The following PLCE1 variants were observed in gnomAD, a reference collection of about 807,000 sequenced individuals.
PLCE1 encodes 1-phosphatidylinositol 4,5-bisphosphate phosphodiesterase epsilon-1.
Under a neutral mutation model 242.8 loss-of-function variants are expected in PLCE1, and 119 were observed. That is an observed-to-expected ratio of 0.49 (90% CI 0.42 to 0.57). The LOEUF (loss-of-function observed/expected upper bound fraction) is 0.57. PLCE1 is among the 20% of genes least tolerant of loss of function. PLCE1 has a pLI of 0.00. For missense variants in PLCE1, 2,441 were observed against 2,788.8 expected, an observed-to-expected ratio of 0.88 and a Z score of 2.81; for synonymous variants, 945 against 1,017.4, an observed-to-expected ratio of 0.93 and a Z score of 1.35.
chr10:94,032,384 T>C (rs2061577804), intron 2 of PLCE1, 132 bp downstream of exon 2: 1 of 824,706 alleles, frequency 1.2e-6, no homozygotes, highest in African/African-American at 1.7e-5. Flanking sequence ...GGTTAAGCAT[T>C]TGTGGTTATT....
chr10:94,187,573 G>A (rs1169595985), intron 4 of PLCE1, among the ~76,000 whole-genome samples: 1 of 152,050 alleles, frequency 6.6e-6, no homozygotes, highest in Non-Finnish European at 1.5e-5. Flanking sequence ...AGTAGAGGAG[G>A]TGGGTCTGGG....
intron 1 of PLCE1, among the ~76,000 whole-genome samples, chr10:94,016,419 T>G (rs914403981): frequency 6.6e-6 from 1 of 152,108 alleles, no homozygotes; most frequent in East Asian, 1.9e-4. Flanking sequence ...ATACCTTATA[T>G]GTATAGCTTA....
In PLCE1 at chr10:94,298,765, G is replaced by A; in HGVS notation, c.5458+96G>A. 2 of 1,220,262 alleles carry A rather than the reference G, an allele frequency of 1.6e-6. No individual in the cohort carries two copies. Among genetic ancestry groups the A allele is most frequent in the South Asian group, 2.4e-5 (2 of 82,558 alleles). The allele number at this position is 1,220,262 out of a possible 1,614,324, so 75.6% of individuals were successfully genotyped here. A position where few individuals can be genotyped will look rare whatever the true frequency, so the allele number is the denominator to read the frequency against. ...TTTCAAAGGGGCAAGATTCCAGACT[G>A]GGGCACACCATATGTGAGAGTAAAA... On this transcript the variant is annotated intron_variant, in intron 24 of 32. Coordinates refer to ENST00000371380, the MANE Select transcript of PLCE1 (RefSeq NM_016341.4). The surrounding 1 kb of genome is among the most constrained non-coding windows in gnomAD (Gnocchi z 5.2).
intron 2 of PLCE1, among the ~76,000 whole-genome samples, chr10:94,128,719 T>C (rs139573451): frequency 1.4e-4 from 22 of 152,304 alleles, no homozygotes; most frequent in Non-Finnish European, 2.9e-4. Context: ...AGAGGACACA[T>C]TGGAGGAGCT....
intron 4 of PLCE1, among the ~76,000 whole-genome samples, chr10:94,212,326 A>G (rs556078951): frequency 2.0e-5 from 3 of 152,126 alleles, no homozygotes; most frequent in East Asian, 1.9e-4. Context: ...GTGCCATCTC[A>G]GCTCACTGCA....
At chr10:94,151,057 A>G (rs942375524) in intron 3 of PLCE1, among the ~76,000 whole-genome samples, 1 of 152,212 alleles carries the variant, frequency 6.6e-6, no homozygotes, top group Non-Finnish European at 1.5e-5. Flanking sequence ...GTCCTGTTTT[A>G]TACCAAATCA....
Position 94,031,495 on chromosome 10 carries a change from C to G in PLCE1, c.449C>G (p.Pro150Arg). ...TCTCCACTGGAAAGAAAGGTGTTCC[C>G]TGGAATTCAACTGGAACTAGACAGA... Reference protein sequence around the residue: ...IPSPLERKVFPGIQLELDRPS... With the variant: ...IPSPLERKVFRGIQLELDRPS... Residue 150 changes from proline to arginine, a missense_variant, in exon 2 of 33, where the codon CCT becomes CGT. By Grantham distance (103) the Pro-to-Arg change is moderately radical. Transcript: ENST00000371380. 1 of 1,612,966 alleles carries G rather than the reference C, an allele frequency of 6.2e-7. No individual in the cohort carries two copies. Among genetic ancestry groups the G allele is most frequent in the Non-Finnish European group, 8.5e-7 (1 of 1,179,738 alleles).
intron 19 of PLCE1, among the ~76,000 whole-genome samples, chr10:94,276,025 G>A (rs1298790891): frequency 6.6e-6 from 1 of 151,990 alleles, no homozygotes; most frequent in East Asian, 1.9e-4. Flanking sequence ...CTTGGTTTTG[G>A]TATATTATTA....
At chr10:94,237,092 A>G (rs1229505462) in intron 7 of PLCE1, among the ~76,000 whole-genome samples, 1 of 152,250 alleles carries the variant, frequency 6.6e-6, no homozygotes, top group Admixed American at 6.5e-5. Context: ...TAAGTTTCAC[A>G]GTATTTGTAA....
chr10:94,313,330 T>A lies in PLCE1; in HGVS notation c.6080T>A (p.Phe2027Tyr). The stretch of plus-strand genomic sequence containing the variant: ...CATGGGGTCCCAGGGCCAGAGCCCT[T>A]TACCGTTTTCACTATTAATGGAGGC... ...TVHGVPGPEPFTVFTINGGTK... is the reference protein window; with the variant it reads ...TVHGVPGPEPYTVFTINGGTK... Residue 2027 changes from phenylalanine to tyrosine, a missense_variant, in exon 28 of 33, where the codon TTT (phenylalanine) becomes TAT (tyrosine). Around this residue, in one of 5 missense-constraint regions of PLCE1, gnomAD observed 1,004 missense variants for 1,322.7 expected, o/e 0.76. Coordinates refer to ENST00000371380, the MANE Select transcript of PLCE1 (RefSeq NM_016341.4). 1 of 1,614,164 alleles carries A rather than the reference T, an allele frequency of 6.2e-7. No individual in the cohort carries two copies. Among genetic ancestry groups the A allele is most frequent in the Non-Finnish European group, 8.5e-7 (1 of 1,180,016 alleles).
chr10:94,254,004 G>A (rs914669074), intron 9 of PLCE1, among the ~76,000 whole-genome samples, 186 bp from the exon 10 acceptor site: 13 of 152,146 alleles, frequency 8.5e-5, no homozygotes, highest in Admixed American at 8.5e-4. Flanking sequence ...CTGCTGTATA[G>A]TAAAGAACAA....
intron 2 of PLCE1, among the ~76,000 whole-genome samples, chr10:94,074,339 G>A (rs891225736): frequency 6.6e-6 from 1 of 151,734 alleles, no homozygotes; most frequent in Non-Finnish European, 1.5e-5. Context: ...GACCACAGAT[G>A]TACACCACCA....
intron 2 of PLCE1, among the ~76,000 whole-genome samples, chr10:94,040,216 A>G (rs2061738679): frequency 6.6e-6 from 1 of 152,184 alleles, no homozygotes; most frequent in Non-Finnish European, 1.5e-5. Flanking sequence ...TCAGCCTCCG[A>G]AAGTACTGGG....
intron 4 of PLCE1, among the ~76,000 whole-genome samples, chr10:94,220,647 T>C (rs962379661): frequency 1.3e-5 from 2 of 151,824 alleles, no homozygotes; most frequent in Non-Finnish European, 2.9e-5. Context: ...TCACCTGAAA[T>C]TCAGCATCTC....
chr10:94,052,008 T>A (rs2043778977), intron 2 of PLCE1, among the ~76,000 whole-genome samples: 1 of 152,236 alleles, frequency 6.6e-6, no homozygotes, highest in South Asian at 2.1e-4. Context: ...CTGTCTAGGT[T>A]TTCAGCTCCT....
intron 11 of PLCE1, among the ~76,000 whole-genome samples, chr10:94,257,826 C>A (rs11187835): frequency 6.6e-6 from 1 of 151,960 alleles, no homozygotes; most frequent in African/African-American, 2.4e-5. Context: ...ATGTAAAGGA[C>A]GAGTTAATGG....
At chr10:94,132,030 T>C in intron 2 of PLCE1, 144 bp from the exon 3 acceptor site, 1 of 725,884 alleles carries the variant, frequency 1.4e-6, no homozygotes, top group Admixed American at 2.2e-5. Flanking sequence ...TTCAGGTTAA[T>C]GCATGAGCCG....
chr10:94,316,575 C>A lies in PLCE1; in HGVS notation c.6161C>A (p.Pro2054His). 1 of 1,608,634 alleles carries A rather than the reference C, an allele frequency of 6.2e-7. No homozygotes were observed. The highest frequency in any genetic ancestry group is 2.2e-5 in the East Asian group (1 of 44,848). ...QILTNEQDIK[P>H]VTTDYFLMEE... ...CTGACAAATGAACAAGACATCAAACCTGTTACCACAGACTATTTTTTGATG... is the reference window on the plus strand; with the variant it reads ...CTGACAAATGAACAAGACATCAAACATGTTACCACAGACTATTTTTTGATG... Residue 2054 changes from proline to histidine, a missense_variant, in exon 29 of 33, where the codon CCT (proline) becomes CAT (histidine). Physicochemically the swap from Pro to His is moderately conservative, Grantham distance 77. Coordinates refer to ENST00000371380, the MANE Select transcript of PLCE1 (RefSeq NM_016341.4).
intron 18 of PLCE1, among the ~76,000 whole-genome samples, 159 bp from the exon 19 acceptor site, chr10:94,273,403 G>A (rs996645010): frequency 6.6e-6 from 1 of 152,132 alleles, no homozygotes; most frequent in African/African-American, 2.4e-5. Context: ...ACTGTGAAGG[G>A]GGCAGGAGCA....
Sources: gnomAD v4.1 joint callset for allele counts (sites outside exome capture counted in the v4.1 genomes callset) on GRCh38, gnomAD v4.1.1 for gene constraint, gnomAD v4.1.1 regional missense constraint, Gnocchi (gnomAD v3.1) non-coding constraint, MANE v1.5 for transcripts, NCBI Gene and HGNC (gene_info 2026-07-23, HGNC 2026-07-21) for gene names.